Variants in ERBB4 observed in about 807,000 individuals in gnomAD.
ERBB4 encodes the protein receptor tyrosine-protein kinase erbB-4.
Under a neutral mutation model 158.0 loss-of-function variants are expected in ERBB4, and 42 were observed. The ratio of observed to expected loss-of-function variants is 0.27; its 90% CI spans 0.21 to 0.34. The LOEUF (loss-of-function observed/expected upper bound fraction) is 0.34, where lower values mean the gene tolerates loss of function less well. Ranked by LOEUF, ERBB4 falls within the 10% of genes least tolerant of loss-of-function variation. The probability of loss-of-function intolerance (pLI) is 1.00; values close to 1 mark genes in which losing one functional copy is unlikely to be tolerated. For missense variants in ERBB4, 1,333 were observed against 1,624.1 expected (o/e 0.82, Z 3.08); for synonymous variants, 583 against 558.7 (o/e 1.04, Z -0.61).
At chr2:212,081,160 G>A (rs1352221203) in intron 2 of ERBB4, among the ~76,000 whole-genome samples, 1 of 152,122 alleles carries the variant, frequency 6.6e-6, no homozygotes, top group Non-Finnish European at 1.5e-5. Flanking sequence ...TTAAGCAAAG[G>A]CATTTTCTAT....
intron 3 of ERBB4, among the ~76,000 whole-genome samples, chr2:211,917,155 A>G (rs2079717934): frequency 6.6e-6 from 1 of 152,172 alleles, no homozygotes; most frequent in Non-Finnish European, 1.5e-5. Flanking sequence ...CAGAGTTAAA[A>G]TGTTCTCAGA....
chr2:211,839,152 A>AAGGAGGAGG lies in ERBB4; in HGVS notation c.422-51002_422-50994dup, dbSNP rs71409858. ...GAGAGAGGGAGAGAGGGAGAGAGAG[A>AAGGAGGAGG]AGGAGGAGGAGGAGGAGGAGGAGGA... On this transcript the variant is annotated intron_variant, in intron 3 of 27. Transcript: ENST00000342788. Among the ~76,000 whole-genome samples the AAGGAGGAGG allele has an allele frequency of 7.2e-3, 800 of 110,750 alleles. 17 individuals are homozygous for AAGGAGGAGG. Among genetic ancestry groups the AAGGAGGAGG allele is most frequent in the African/African-American group, 0.024 (649 of 26,918 alleles). The allele number at this position is 110,750 out of a possible 152,430, so 72.7% of individuals were successfully genotyped here.
At position 211,406,962 on chromosome 2, in the gene ERBB4, T is replaced by G. The variant is rs183381166; in HGVS notation, c.3135+13479A>C. Among the ~76,000 whole-genome samples the G allele has an allele frequency of 2.0e-5, 3 of 151,990 alleles. No homozygotes were observed. The East Asian group carries it at 5.8e-4, about 30-fold the overall frequency. On this transcript the variant is annotated intron_variant, in intron 25 of 27. Coordinates refer to ENST00000342788, the MANE Select transcript of ERBB4 (RefSeq NM_005235.3). ...GGGTTTGATGGTGCATGCCTGCAGT[T>G]CCAGCTACTCAGGAGGCTGAGGTAA...
chr2:211,512,633 ATAG>A (rs1344377622), intron 20 of ERBB4, among the ~76,000 whole-genome samples: 1 of 152,130 alleles, frequency 6.6e-6, no homozygotes, highest in Non-Finnish European at 1.5e-5. Flanking sequence ...CATTTTCTTA[ATAG>A]TAGGCAAAAC....
chr2:212,506,531 C>CAA (rs570836627), intron 1 of ERBB4, among the ~76,000 whole-genome samples: 1 of 127,056 alleles, frequency 7.9e-6, no homozygotes, highest in Non-Finnish European at 1.7e-5. Context: ...CAAATGATAA[C>CAA]AAAAAAAAAA....
intron 1 of ERBB4, among the ~76,000 whole-genome samples, chr2:212,339,049 T>C (rs1349198237): frequency 6.6e-6 from 1 of 152,166 alleles, no homozygotes; most frequent in Non-Finnish European, 1.5e-5. Flanking sequence ...GTGCAGGATG[T>C]GCAGGTTTGT....
chr2:211,991,332 A>G (rs978851714), intron 2 of ERBB4, among the ~76,000 whole-genome samples: 5 of 152,144 alleles, frequency 3.3e-5, no homozygotes, highest in African/African-American at 1.2e-4. Flanking sequence ...AATTACCTGT[A>G]TTTGTACTGT....
chr2:211,525,743 C>A (rs1335763516), intron 20 of ERBB4, among the ~76,000 whole-genome samples: 1 of 152,110 alleles, frequency 6.6e-6, no homozygotes, highest in Non-Finnish European at 1.5e-5. Context: ...TCAGGCCTGG[C>A]AGCATTCACC....
At chr2:212,113,025 G>T (rs1190847440) in intron 2 of ERBB4, among the ~76,000 whole-genome samples, 2 of 152,052 alleles carry the variant, frequency 1.3e-5, no homozygotes, top group South Asian at 2.1e-4. Flanking sequence ...TGTGACATAC[G>T]GTATAGTACC....
rs372717251 is a variant in ERBB4 at position 212,180,062 on chromosome 2, A to T, written c.83-55159T>A. On this transcript the variant is annotated intron_variant, in intron 1 of 27. Coordinates refer to ENST00000342788, the MANE Select transcript of ERBB4 (RefSeq NM_005235.3). ...AAAATGGTAATATAAAGCCATGCAG[A>T]TCCTTTTGAAAGAGAATTGTGATAA... Among the ~76,000 whole-genome samples the T allele has an allele frequency of 3.3e-5, 5 of 151,872 alleles. No homozygotes were observed. In the South Asian group the frequency reaches 1.0e-3, roughly 31 times the overall value.
At chr2:212,522,943 G>A (rs894877760) in intron 1 of ERBB4, among the ~76,000 whole-genome samples, 2 of 152,000 alleles carry the variant, frequency 1.3e-5, no homozygotes, top group Non-Finnish European at 2.9e-5. Flanking sequence ...AGAAAGTGAG[G>A]AGAGGTGGTA....
intron 12 of ERBB4, among the ~76,000 whole-genome samples, chr2:211,694,081 A>G (rs1489533328): frequency 6.6e-6 from 1 of 152,132 alleles, no homozygotes; most frequent in Non-Finnish European, 1.5e-5. Flanking sequence ...CTGCTCCAGT[A>G]TAAGCTCATC....
At chr2:211,844,838 T>C (rs1022237371) in intron 3 of ERBB4, among the ~76,000 whole-genome samples, 6 of 152,174 alleles carry the variant, frequency 3.9e-5, no homozygotes, top group African/African-American at 1.4e-4. Flanking sequence ...ACTGTGGATA[T>C]TCAATGCCTG....
chr2:211,539,878 AT>A (rs1388030761), intron 20 of ERBB4, among the ~76,000 whole-genome samples: 1 of 151,924 alleles, frequency 6.6e-6, no homozygotes, highest in Non-Finnish European at 1.5e-5. Context: ...AGACATTTCC[AT>A]TGCTCGTTGC....
chr2:212,353,653 AAG>A (rs5838323), intron 1 of ERBB4, among the ~76,000 whole-genome samples: 98,117 of 151,308 alleles, frequency 0.65, 32,373 homozygotes, highest in East Asian at 0.79. Flanking sequence ...ATGTTGAAAA[AAG>A]AGGAAAGAAA....
chr2:212,369,428 AT>A (rs1455888539), intron 1 of ERBB4, among the ~76,000 whole-genome samples: 5 of 152,176 alleles, frequency 3.3e-5, no homozygotes, highest in South Asian at 4.1e-4. Context: ...AATTAAAAAA[AT>A]GTAACAATAA....
chr2:211,812,779 G>A (rs547881397), intron 3 of ERBB4, among the ~76,000 whole-genome samples: 1 of 152,334 alleles, frequency 6.6e-6, no homozygotes, highest in Non-Finnish European at 1.5e-5. Flanking sequence ...GGCTGCTGCA[G>A]TCTCACAGGT....
intron 3 of ERBB4, among the ~76,000 whole-genome samples, chr2:211,874,366 G>T (rs183708385): frequency 5.0e-4 from 76 of 152,110 alleles, no homozygotes; most frequent in Non-Finnish European, 8.5e-4. Context: ...CTTTGTTCTT[G>T]TCTTACCCTA....
rs377657673 is a variant in ERBB4 at position 212,286,491 on chromosome 2, G to A, written c.83-161588C>T. ...ACAATACATATAAAATATAAATATA[G>A]ATGGGTTGCATAACCTCTCTGAGCC... On this transcript the variant is annotated intron_variant, in intron 1 of 27. Coordinates refer to ENST00000342788, the MANE Select transcript of ERBB4 (RefSeq NM_005235.3). Among the ~76,000 whole-genome samples, 95 of 151,538 alleles carry A rather than the reference G, an allele frequency of 6.3e-4. 3 individuals carry two copies. The East Asian group carries it at 0.016, about 25-fold the overall frequency.
Sources: gnomAD v4.1 joint callset for allele counts (sites outside exome capture counted in the v4.1 genomes callset) on GRCh38, gnomAD v4.1.1 for gene constraint, MANE v1.5 for transcripts, NCBI Gene and HGNC (gene_info 2026-07-23, HGNC 2026-07-21) for gene names.